SAMD12: variants seen among roughly 807,000 people sequenced by gnomAD.
SAMD12 encodes the protein sterile alpha motif domain containing 12.
SAMD12 carries 9 observed loss-of-function variants against 15.0 expected under a neutral mutation model. That is an observed-to-expected ratio of 0.60 (90% confidence interval 0.36 to 1.05). The LOEUF (loss-of-function observed/expected upper bound fraction) is 1.05. Among genes scored for constraint, SAMD12 ranks in the 50% least tolerant of loss-of-function variants. SAMD12 has a pLI of 0.01. For missense variants in SAMD12, 230 were observed against 234.2 expected, an observed-to-expected ratio of 0.98 and a Z score of 0.12; for synonymous variants, 86 against 90.1, an observed-to-expected ratio of 0.96 and a Z score of 0.25.
intron 1 of SAMD12, chr8:118,621,391 G>A (rs1828401298): frequency 7.5e-6 from 2 of 266,590 alleles, no homozygotes; most frequent in Non-Finnish European, 1.5e-5. Context: ...CCTGGGCTGG[G>A]GACCTCTCCC....
chr8:118,392,290 G>C (rs1820321165), intron 3 of SAMD12, among the ~76,000 whole-genome samples: 1 of 152,190 alleles, frequency 6.6e-6, no homozygotes. Flanking sequence ...AATTAGCTGG[G>C]CCTGGTGGTG....
chr8:118,391,263 G>A (rs967194448), intron 3 of SAMD12, among the ~76,000 whole-genome samples: 2 of 152,154 alleles, frequency 1.3e-5, no homozygotes, highest in Non-Finnish European at 2.9e-5. Flanking sequence ...CCAACATAAT[G>A]GAGACTATAA....
intron 4 of SAMD12, among the ~76,000 whole-genome samples, chr8:118,353,838 C>T (rs930936888): frequency 1.3e-5 from 2 of 152,100 alleles, no homozygotes; most frequent in African/African-American, 4.8e-5. Flanking sequence ...TGCATTTAGC[C>T]AGTGAGTGGT....
rs186379388 is a variant in SAMD12, at chr8:118,534,993, G to T, written c.192+45722C>A. Among the ~76,000 whole-genome samples, 410 of 152,260 alleles carry T rather than the reference G, an allele frequency of 2.7e-3. 1 individual carries two copies. The highest frequency in any genetic ancestry group is 9.3e-3 in the African/African-American group (385 of 41,540). ...CATCCAGCCTTGTTCCACTGCTGGC[G>T]AGGAGCTGCATTCCTTTGGAGGAGA... is the stretch of plus-strand genomic sequence containing the variant. On this transcript the variant is annotated intron_variant, in intron 2 of 3. Transcript: ENST00000314727.
intron 3 of SAMD12, among the ~76,000 whole-genome samples, chr8:118,394,539 T>C (rs900661950): frequency 6.6e-6 from 1 of 152,186 alleles, no homozygotes; most frequent in Non-Finnish European, 1.5e-5. Context: ...AAATAAATGT[T>C]GTTGAGAGAA....
the SAMD12 span, among the ~76,000 whole-genome samples, chr8:118,135,148 G>A: frequency 6.6e-6 from 1 of 152,128 alleles, no homozygotes; most frequent in Non-Finnish European, 1.5e-5. Context: ...TCTAAATAAT[G>A]ATGAATATTA....
At chr8:118,136,980 T>G in the SAMD12 span, among the ~76,000 whole-genome samples, 1 of 152,196 alleles carries the variant, frequency 6.6e-6, no homozygotes, top group Non-Finnish European at 1.5e-5. Context: ...AGGTTCTCCG[T>G]GTTTTGAACA....
At chr8:118,563,557 A>G (rs1302627140) in intron 2 of SAMD12, among the ~76,000 whole-genome samples, 1 of 152,248 alleles carries the variant, frequency 6.6e-6, no homozygotes, top group African/African-American at 2.4e-5. Flanking sequence ...AGTGAAAAAA[A>G]TACTTAAGAA....
At chr8:118,342,479 C>G (rs1261830910) in intron 4 of SAMD12, among the ~76,000 whole-genome samples, 2 of 152,184 alleles carry the variant, frequency 1.3e-5, no homozygotes, top group African/African-American at 2.4e-5. Context: ...ATATCTCCTA[C>G]TTTGAAATTT....
At chr8:118,187,836 G>T (rs11562715), downstream of SAMD12, among the ~76,000 whole-genome samples, 6,173 of 152,256 alleles carry the variant, frequency 0.041, 187 homozygotes, top group Non-Finnish European at 0.069. Flanking sequence ...TGCAGAGGTT[G>T]CTAGGCTCAG....
chr8:118,353,577 A>G (rs1563788066), intron 4 of SAMD12, among the ~76,000 whole-genome samples: 1 of 152,144 alleles, frequency 6.6e-6, no homozygotes, highest in Non-Finnish European at 1.5e-5. Context: ...CGGCCTCTGG[A>G]ACCATGAGAA....
At chr8:118,376,041 A>C (rs1004017743), downstream of SAMD12, among the ~76,000 whole-genome samples, 2 of 152,178 alleles carry the variant, frequency 1.3e-5, no homozygotes, top group Non-Finnish European at 2.9e-5. Flanking sequence ...CTAAGAGTAC[A>C]CCAATGCCTG....
At chr8:118,171,501 A>T in the SAMD12 span, among the ~76,000 whole-genome samples, 3 of 152,348 alleles carry the variant, frequency 2.0e-5, no homozygotes, top group South Asian at 6.2e-4. Context: ...ATTACTTGAC[A>T]ATCAAAAGAA....
chr8:118,480,532 TC>T (rs1824096011), intron 2 of SAMD12, among the ~76,000 whole-genome samples: 1 of 152,054 alleles, frequency 6.6e-6, no homozygotes. Flanking sequence ...AACAACAGGG[TC>T]AAGCAAATTA....
chr8:118,274,028 C>T (rs1179037492), intron 4 of SAMD12, among the ~76,000 whole-genome samples: 1 of 152,136 alleles, frequency 6.6e-6, no homozygotes, highest in Non-Finnish European at 1.5e-5. Context: ...ATTTGGTGCT[C>T]ACTAAATTAC....
chr8:118,366,072 C>G (rs1258186002), intron 4 of SAMD12, among the ~76,000 whole-genome samples: 1 of 152,122 alleles, frequency 6.6e-6, no homozygotes, highest in East Asian at 1.9e-4. Context: ...CTAGTAAAGG[C>G]CTGACACAAA....
At chr8:118,458,615 A>C (rs1391908719) in intron 2 of SAMD12, among the ~76,000 whole-genome samples, 1 of 152,146 alleles carries the variant, frequency 6.6e-6, no homozygotes, top group Non-Finnish European at 1.5e-5. Context: ...CCTCCATTAC[A>C]TTATTTTTCT....
chr8:118,154,206 G>T, the SAMD12 span, among the ~76,000 whole-genome samples: 3 of 151,362 alleles, frequency 2.0e-5, no homozygotes, highest in Non-Finnish European at 4.4e-5. Context: ...TCTTTATCAA[G>T]GCACTCAAGG....
intron 3 of SAMD12, chr8:118,400,500 G>T (rs1386085571): frequency 6.6e-6 from 1 of 152,204 alleles, no homozygotes; most frequent in Non-Finnish European, 1.5e-5. Flanking sequence ...TTTTGTAGAT[G>T]TAAGTTTTGT....
Sources: allele counts gnomAD v4.1 joint callset (sites outside exome capture counted in the v4.1 genomes callset), GRCh38; gene constraint gnomAD v4.1.1; transcripts MANE v1.5; gene names NCBI Gene and HGNC (gene_info 2026-07-23, HGNC 2026-07-21).